The following DIP2A variants were observed in gnomAD, a reference collection of about 807,000 sequenced individuals.
DIP2A encodes the protein DIP2 acetate--CoA ligase A, also known as disco-interacting protein 2 homolog A.
Under a neutral mutation model 177.4 loss-of-function variants are expected in DIP2A, and 85 were observed. The observed-to-expected ratio is 0.48, with a 90% CI of 0.40 to 0.57. DIP2A has a LOEUF of 0.57. Ranked by LOEUF, DIP2A falls within the 20% of genes least tolerant of loss-of-function variation. DIP2A has a pLI of 0.00. For missense variants in DIP2A, 1,791 were observed against 2,100.2 expected, an observed-to-expected ratio of 0.85 and a Z score of 2.88; for synonymous variants, 886 against 881.8, an observed-to-expected ratio of 1.00 and a Z score of -0.08.
chr21:46,498,393 T>C lies in DIP2A; in HGVS notation c.404-189T>C, dbSNP rs2057472152. ...GCTCATGGAATCATTTTCCCCACAG[T>C]AGGGCTTCTTGCATGCCCTTCTAGA... On this transcript the variant is annotated intron_variant, in intron 4 of 37. Transcript: ENST00000417564. The surrounding 1 kb of genome is among the most constrained non-coding windows in gnomAD (Gnocchi z 4.3). Among the ~76,000 whole-genome samples the C allele has an allele frequency of 6.6e-6, 1 of 152,152 alleles. No individual in the cohort carries two copies. Among genetic ancestry groups the C allele is most frequent in the Admixed American group, 6.5e-5 (1 of 15,280 alleles).
rs1212535173 is a variant in DIP2A at position 46,557,797 on chromosome 21, G to A, written c.3798+44G>A. Reference sequence around the variant, plus strand: ...GCTTCTGAGTGTGCTGCAGACCACAGCCCTGGGAAGTTTAAAAACAACAAA... The same window carrying A: ...GCTTCTGAGTGTGCTGCAGACCACAACCCTGGGAAGTTTAAAAACAACAAA... On this transcript the variant is annotated intron_variant, in intron 31 of 37. Transcript: ENST00000417564. The surrounding 1 kb of genome is among the most constrained non-coding windows in gnomAD (Gnocchi z 6.0). 5 of 1,572,172 alleles carry A rather than the reference G, an allele frequency of 3.2e-6. No homozygotes were observed. The highest frequency in any genetic ancestry group is 4.3e-6 in the Non-Finnish European group (5 of 1,152,864).
At chr21:46,510,413 T>G (rs2058249250) in intron 7 of DIP2A, among the ~76,000 whole-genome samples, 1 of 152,178 alleles carries the variant, frequency 6.6e-6, no homozygotes, top group African/African-American at 2.4e-5. Context: ...AAGAATACTT[T>G]GCATCCTTCA....
At chr21:46,576,293 G>A in the DIP2A span, among the ~76,000 whole-genome samples, 4 of 152,010 alleles carry the variant, frequency 2.6e-5, no homozygotes, top group Non-Finnish European at 5.9e-5. Flanking sequence ...CCCCCCAACA[G>A]GCCCCAGTGT....
In DIP2A at chr21:46,569,488, A is replaced by G. The variant is rs1377634345; in HGVS notation, c.*1866A>G. ...AGAATGGCTGGGAAGGGAAAGAAAA[A>G]AAAAAAAAAACTACCTAACTCCAAT... On this transcript the variant is annotated 3_prime_UTR_variant, in exon 38 of 38. Transcript: ENST00000417564. The G allele has an allele frequency of 6.6e-6, 1 of 152,154 alleles. No individual in the cohort carries two copies. The highest frequency in any genetic ancestry group is 2.4e-5 in the African/African-American group (1 of 41,426). The allele number at this position is 152,154 out of a possible 1,614,324, so 9.4% of individuals were successfully genotyped here. A position where few individuals can be genotyped will look rare whatever the true frequency, so the allele number is the denominator to read the frequency against.
In DIP2A at chr21:46,538,616, T is replaced by G. The variant is rs924176366; in HGVS notation, c.1921+14T>G. 3.9e-6 allele frequency: 6 copies of G among 1,547,084 alleles called. No individual in the cohort carries two copies. The African/African-American group carries it at 5.5e-5, about 14-fold the overall frequency. ...GTGCCAACCCGTGTGAGTGAGCCTG[T>G]GTGCCCGGCGCATACCCCACACAGT... On this transcript the variant is annotated intron_variant, in intron 16 of 37. Coordinates refer to ENST00000417564, the MANE Select transcript of DIP2A (RefSeq NM_015151.4).
chr21:46,495,607 C>T (rs1333740221), intron 3 of DIP2A, among the ~76,000 whole-genome samples: 4 of 151,840 alleles, frequency 2.6e-5, no homozygotes, highest in African/African-American at 9.7e-5. Flanking sequence ...CCCTTTCTTT[C>T]CTTCTTTTTC....
chr21:46,549,631 A>G, intron 21 of DIP2A, 140 bp from the exon 22 acceptor site: 2 of 1,430,392 alleles, frequency 1.4e-6, no homozygotes, highest in Non-Finnish European at 1.9e-6. Context: ...TTACTTTTTG[A>G]ATGTGCAGCA....
rs999524196 is a variant in DIP2A, at chr21:46,484,777, T to C, written c.112T>C (p.Tyr38His). Residue 38 changes from tyrosine to histidine, a missense_variant, in exon 2 of 38, where the codon TAT becomes CAT. Transcript: ENST00000417564. ...TTTAGGTGACATCACTCAAAAAGGA[T>C]ATGAAAAGAAAAGGGCAAAGCTGCT... ...LSEGDITQKG[Y>H]EKKRAKLLAR... is the part of the protein sequence containing the mutation. 1.9e-6 allele frequency: 3 copies of C among 1,580,470 alleles called. No homozygotes were observed. Among genetic ancestry groups the C allele is most frequent in the African/African-American group, 1.3e-5 (1 of 74,224 alleles).
chr21:46,548,768 G>A (rs2060158791), intron 21 of DIP2A, among the ~76,000 whole-genome samples: 1 of 152,118 alleles, frequency 6.6e-6, no homozygotes, highest in Non-Finnish European at 1.5e-5. Context: ...GATTGTCTGA[G>A]GAAGCAGGTG....
At chr21:46,566,979 T>C (rs749751897) in intron 37 of DIP2A, among the ~76,000 whole-genome samples, 4 of 152,238 alleles carry the variant, frequency 2.6e-5, no homozygotes, top group Non-Finnish European at 5.9e-5. Context: ...TGTTTTTTTA[T>C]CTGTTTCCTT....
intron 4 of DIP2A, among the ~76,000 whole-genome samples, chr21:46,497,656 C>T (rs1489082274): frequency 6.6e-6 from 1 of 152,110 alleles, no homozygotes; most frequent in Non-Finnish European, 1.5e-5. Flanking sequence ...TACAAGATGT[C>T]GATAGTGTCT....
chr21:46,563,573 C>G lies in DIP2A; in HGVS notation c.4090-285C>G, dbSNP rs1406562315. On this transcript the variant is annotated intron_variant, in intron 34 of 37. Transcript: ENST00000417564. This position sits in a 1 kb window ranked among gnomAD's most constrained non-coding sequence, Gnocchi z 4.3. ...ATGCCCATCAGGTGCGCTGGCATCA[C>G]CTGGCTGATTGTCTTTGTAGGCTTA... The G allele has an allele frequency of 1.2e-5, 5 of 403,080 alleles. No homozygotes were observed. The highest frequency in any genetic ancestry group is 2.3e-5 in the Non-Finnish European group (5 of 220,282). 25.0% of individuals were successfully genotyped at this position (403,080 alleles called of 1,614,324 possible). A position where few individuals can be genotyped will look rare whatever the true frequency, so the allele number is the denominator to read the frequency against.
At position 46,497,026 on chromosome 21, in the gene DIP2A, T is replaced by A; in HGVS notation, c.322T>A (p.Tyr108Asn). The change falls in exon 4 of 38, where the codon TAC becomes AAC. Residue 108 changes from tyrosine (Y) to asparagine (N), a missense_variant. By Grantham distance (143) the Tyr-to-Asn change is moderately radical. Coordinates refer to ENST00000417564, the MANE Select transcript of DIP2A (RefSeq NM_015151.4). ...TEAVQAALAK[Y>N]KERKMPMPSK... is the part of the protein sequence containing the mutation. ...AGCCGTGCAAGCAGCTTTGGCCAAA[T>A]ACAAAGAGAGGAAGATGCCTATGCC... is the stretch of plus-strand genomic sequence containing the variant. 1 of 1,613,890 alleles carries A rather than the reference T, an allele frequency of 6.2e-7. No individual in the cohort carries two copies. Among genetic ancestry groups the A allele is most frequent in the Non-Finnish European group, 8.5e-7 (1 of 1,179,826 alleles).
intron 25 of DIP2A, among the ~76,000 whole-genome samples, chr21:46,552,564 A>C (rs1407347520): frequency 6.6e-6 from 1 of 152,222 alleles, no homozygotes; most frequent in East Asian, 1.9e-4. Context: ...AGAACTCTTA[A>C]GCTTTGGTGT....
rs138721091 is a variant in DIP2A at position 46,506,202 on chromosome 21, C to T, written c.784+1713C>T. Among the ~76,000 whole-genome samples, 1,222 of 152,226 alleles carry T rather than the reference C, an allele frequency of 8.0e-3. 16 individuals are homozygous for T. Among genetic ancestry groups the T allele is most frequent in the African/African-American group, 0.028 (1,163 of 41,518 alleles). On this transcript the variant is annotated intron_variant, in intron 6 of 37. Transcript: ENST00000417564. ...GCATGATCTTGGCTCACTGAAACCT[C>T]GCCATCCTGGGTTCAAGCGATTCTC...
At position 46,563,402 on chromosome 21, in the gene DIP2A, G is replaced by A. The variant is rs1440658015; in HGVS notation, c.4090-456G>A. Among the ~76,000 whole-genome samples, 1 of 152,196 alleles carries A rather than the reference G, an allele frequency of 6.6e-6. No homozygotes were observed. Among genetic ancestry groups the A allele is most frequent in the Non-Finnish European group, 1.5e-5 (1 of 68,026 alleles). ...GGTGGCCTCTTGCCGTCCTGAATTG[G>A]CACAGAGCCAGTGCTCAGTGGTTGG... On this transcript the variant is annotated intron_variant, in intron 34 of 37. Transcript: ENST00000417564. The surrounding 1 kb of genome is among the most constrained non-coding windows in gnomAD (Gnocchi z 4.3).
At chr21:46,555,813 G>A (rs748318751) in intron 28 of DIP2A, 169 bp from the exon 29 acceptor site, 10 of 635,888 alleles carry the variant, frequency 1.6e-5, no homozygotes, top group East Asian at 2.8e-5. Context: ...AATGAAATAC[G>A]CTTTCCTGAG....
intron 3 of DIP2A, among the ~76,000 whole-genome samples, chr21:46,491,692 G>A (rs182967281): frequency 3.3e-5 from 5 of 152,232 alleles, no homozygotes; most frequent in Non-Finnish European, 7.4e-5. Flanking sequence ...GCAGATGCAC[G>A]CACACATGTG....
chr21:46,493,503 T>C (rs764536320), intron 3 of DIP2A, among the ~76,000 whole-genome samples: 5 of 152,304 alleles, frequency 3.3e-5, no homozygotes, highest in Admixed American at 6.5e-5. Context: ...ATAATATTTT[T>C]ATTAAATATT....
Sources: gnomAD v4.1 joint callset for allele counts (sites outside exome capture counted in the v4.1 genomes callset) on GRCh38, gnomAD v4.1.1 for gene constraint, Gnocchi (gnomAD v3.1) non-coding constraint, MANE v1.5 for transcripts, NCBI Gene and HGNC (gene_info 2026-07-23, HGNC 2026-07-21) for gene names.